The following STK33 variants were observed in gnomAD, a reference collection of about 807,000 sequenced individuals.
The protein encoded by STK33 is serine/threonine kinase 33, also known as serine/threonine-protein kinase 33.
A neutral mutation model predicts 58.0 loss-of-function variants in STK33; 52 were observed. The observed-to-expected ratio is 0.90, with a 90% confidence interval of 0.72 to 1.13. The LOEUF is 1.13. Among genes scored for constraint, STK33 ranks in the 50% most tolerant of loss-of-function variants. STK33 has a pLI of 0.00. For synonymous variants in STK33, 215 were observed against 200.1 expected, an observed-to-expected ratio of 1.07 and a Z score of -0.63; for missense variants, 630 against 604.2, an observed-to-expected ratio of 1.04 and a Z score of -0.45.
chr11:8,502,341 C>G (rs1054682019), intron 1 of STK33, among the ~76,000 whole-genome samples: 1 of 152,002 alleles, frequency 6.6e-6, no homozygotes. Context: ...GTGCACCTAC[C>G]AGCATCAAAT....
chr11:8,535,835 C>G (rs928339319), intron 1 of STK33, among the ~76,000 whole-genome samples: 1 of 152,070 alleles, frequency 6.6e-6, no homozygotes, highest in African/African-American at 2.4e-5. Context: ...TGGAATCAAC[C>G]TAAGTGTCCC....
In STK33 at chr11:8,557,270, G is replaced by A. The variant is rs1244306838; in HGVS notation, c.-466+36813C>T. 1.5e-4 allele frequency among the ~76,000 whole-genome samples: 15 copies of A among 99,632 alleles called. 2 individuals carry two copies. The highest frequency in any genetic ancestry group is 3.1e-4 in the Non-Finnish European group (14 of 45,014). The allele number at this position is 99,632 out of a possible 152,430, so 65.4% of individuals were successfully genotyped here. ...TGTGGGGAAGGGAAGGGGAGGGGAG[G>A]GGAGGGGAGGGGAGGGGAGGAGAGA... On this transcript the variant is annotated intron_variant, in intron 1 of 15. Coordinates refer to ENST00000687296, the MANE Select transcript of STK33 (RefSeq NM_001352389.2).
chr11:8,566,284 C>T (rs556716095), intron 1 of STK33, among the ~76,000 whole-genome samples: 5 of 152,322 alleles, frequency 3.3e-5, no homozygotes, highest in African/African-American at 9.6e-5. Flanking sequence ...ATCTCCAAAA[C>T]GTGAGAGTTG....
intron 1 of STK33, among the ~76,000 whole-genome samples, chr11:8,584,110 GA>G (rs35914021): frequency 0.49 from 62,358 of 126,466 alleles, 13,908 homozygotes; most frequent in African/African-American, 0.55. Context: ...GAATTTAGAT[GA>G]AAAAAAAAAA....
chr11:8,542,429 G>C (rs915645462), intron 1 of STK33, among the ~76,000 whole-genome samples: 3 of 152,136 alleles, frequency 2.0e-5, no homozygotes, highest in African/African-American at 7.2e-5. Flanking sequence ...GGTTCTCAAC[G>C]GAAGTGATTT....
intron 1 of STK33, among the ~76,000 whole-genome samples, chr11:8,494,663 G>A (rs1191092036): frequency 6.6e-6 from 1 of 152,156 alleles, no homozygotes; most frequent in African/African-American, 2.4e-5. Context: ...AAAGAACAAA[G>A]CTGGAGGCAT....
chr11:8,419,960 C>T (rs1036000949), intron 14 of STK33, among the ~76,000 whole-genome samples: 1 of 151,944 alleles, frequency 6.6e-6, no homozygotes, highest in African/African-American at 2.4e-5. Context: ...TCAATTATTA[C>T]CTTAATTTAT....
chr11:8,345,768 G>A, the STK33 span, among the ~76,000 whole-genome samples: 17 of 152,210 alleles, frequency 1.1e-4, no homozygotes, highest in African/African-American at 3.6e-4. Context: ...CATTCTGACC[G>A]AAGAGGACAG....
intron 14 of STK33, among the ~76,000 whole-genome samples, chr11:8,433,169 C>T (rs1346845559): frequency 6.6e-6 from 1 of 152,120 alleles, no homozygotes; most frequent in Non-Finnish European, 1.5e-5. Flanking sequence ...ATAACTGTTG[C>T]ACAGAATCCT....
intron 1 of STK33, among the ~76,000 whole-genome samples, chr11:8,527,401 G>C (rs558244322): frequency 6.6e-6 from 1 of 152,046 alleles, no homozygotes; most frequent in Non-Finnish European, 1.5e-5. Flanking sequence ...TTCGCTTTGT[G>C]ATAAATCACC....
At chr11:8,430,044 G>A (rs1341111586) in intron 14 of STK33, among the ~76,000 whole-genome samples, 1 of 152,136 alleles carries the variant, frequency 6.6e-6, no homozygotes, top group Non-Finnish European at 1.5e-5. Flanking sequence ...ACTCACACAA[G>A]CACAGCAGCA....
intron 8 of STK33, among the ~76,000 whole-genome samples, chr11:8,458,926 T>C (rs1392764613): frequency 2.0e-5 from 3 of 152,216 alleles, no homozygotes; most frequent in East Asian, 1.9e-4. Context: ...TTTCTTCCTA[T>C]AGCGCAATTC....
At chr11:8,576,491 T>G (rs1958194277) in intron 1 of STK33, among the ~76,000 whole-genome samples, 1 of 152,242 alleles carries the variant, frequency 6.6e-6, no homozygotes, top group Admixed American at 6.5e-5. Context: ...AATGTATTAC[T>G]ATCTATCTGG....
downstream of STK33, among the ~76,000 whole-genome samples, chr11:8,387,333 T>C (rs138146770): frequency 6.6e-6 from 1 of 152,272 alleles, no homozygotes; most frequent in Non-Finnish European, 1.5e-5. Flanking sequence ...TTGAGAGGCA[T>C]ATAGTACAAC....
At chr11:8,448,093 T>C (rs1945746463) in intron 11 of STK33, among the ~76,000 whole-genome samples, 1 of 152,164 alleles carries the variant, frequency 6.6e-6, no homozygotes, top group South Asian at 2.1e-4. Flanking sequence ...GAAGGAACTC[T>C]TCAAGGAGAA....
intron 6 of STK33, chr11:8,465,487 C>T (rs1948070025): frequency 6.6e-6 from 1 of 152,184 alleles, no homozygotes. Context: ...ATTGGTTTTG[C>T]CAACATCACC....
the STK33 span, among the ~76,000 whole-genome samples, chr11:8,355,707 G>C: frequency 6.6e-6 from 1 of 152,210 alleles, no homozygotes; most frequent in Non-Finnish European, 1.5e-5. Context: ...AAGCTTTTCT[G>C]AACCTCCACT....
intron 6 of STK33, among the ~76,000 whole-genome samples, chr11:8,471,144 AAAT>A (rs1948738171): frequency 6.6e-6 from 1 of 152,342 alleles, no homozygotes; most frequent in South Asian, 2.1e-4. Context: ...CTCATTTACA[AAAT>A]AATCTCTTCA....
At chr11:8,357,405 C>T in the STK33 span, among the ~76,000 whole-genome samples, 27 of 152,250 alleles carry the variant, frequency 1.8e-4, no homozygotes, top group South Asian at 2.1e-4. Flanking sequence ...CGCAGCCCCG[C>T]GGGCCTCCAG....
Sources: allele counts gnomAD v4.1 joint callset (sites outside exome capture counted in the v4.1 genomes callset), GRCh38; gene constraint gnomAD v4.1.1; transcripts MANE v1.5; gene names NCBI Gene and HGNC (gene_info 2026-07-23, HGNC 2026-07-21).